SPMAP1: variants seen among roughly 807,000 people sequenced by gnomAD.
SPMAP1 encodes uncharacterized protein C17orf98.
chr17:38,840,962 C>T, the SPMAP1 span, among the ~76,000 whole-genome samples: 1 of 151,738 alleles, frequency 6.6e-6, no homozygotes, highest in African/African-American at 2.4e-5. Flanking sequence ...CGCTTGAACC[C>T]GGGAGGCGGA....
At chr17:38,840,203 C>T in the SPMAP1 span, among the ~76,000 whole-genome samples, 2 of 152,194 alleles carry the variant, frequency 1.3e-5, no homozygotes, top group Admixed American at 1.3e-4. Context: ...AAGCCCCATG[C>T]CCTGCCACTA....
the SPMAP1 span, chr17:38,841,337 T>C: frequency 6.2e-7 from 1 of 1,614,042 alleles, no homozygotes; most frequent in Non-Finnish European, 8.5e-7. Flanking sequence ...AGCCACCCCG[T>C]CCAAGATAAA....
At chr17:38,837,258 A>G in the SPMAP1 span, 7 of 1,561,906 alleles carry the variant, frequency 4.5e-6, no homozygotes, top group East Asian at 1.6e-4. Flanking sequence ...TGGGCAAGAG[A>G]AAGTGGGCAA....
the SPMAP1 span, among the ~76,000 whole-genome samples, chr17:38,836,162 C>T: frequency 6.6e-6 from 1 of 152,108 alleles, no homozygotes; most frequent in Non-Finnish European, 1.5e-5. Context: ...GACCCGCCTG[C>T]CTCGGCCTCC....
chr17:38,836,585 C>CTTTTTTT, the SPMAP1 span, among the ~76,000 whole-genome samples: 8 of 58,418 alleles, frequency 1.4e-4, no homozygotes, highest in African/African-American at 3.9e-4. Context: ...TTCTTTCTTT[C>CTTTTTTT]TTTTTTTTTT....
the SPMAP1 span, chr17:38,841,253 T>G: frequency 6.2e-7 from 1 of 1,614,180 alleles, no homozygotes; most frequent in East Asian, 2.2e-5. Context: ...GTAGTCCTGC[T>G]GCGCGTTGTA....
chr17:38,838,175 G>C, the SPMAP1 span, among the ~76,000 whole-genome samples: 2 of 152,032 alleles, frequency 1.3e-5, no homozygotes, highest in Non-Finnish European at 2.9e-5. Flanking sequence ...GAGCCACTGT[G>C]CCTGGCTTGC....
the SPMAP1 span, among the ~76,000 whole-genome samples, chr17:38,835,537 G>C: frequency 6.6e-6 from 1 of 152,204 alleles, no homozygotes; most frequent in Non-Finnish European, 1.5e-5. Flanking sequence ...GGGGCAGAAG[G>C]CTTCCTAGAA....
chr17:38,838,955 G>A, the SPMAP1 span, among the ~76,000 whole-genome samples: 5 of 151,232 alleles, frequency 3.3e-5, no homozygotes, highest in East Asian at 3.9e-4. Context: ...GTGTGGTGGC[G>A]GGCGCTTGTA....
the SPMAP1 span, chr17:38,837,084 C>A: frequency 1.3e-5 from 16 of 1,223,850 alleles, no homozygotes; most frequent in East Asian, 3.7e-4. Context: ...TCCCCTCAAC[C>A]AGGCCTTGCT....
the SPMAP1 span, among the ~76,000 whole-genome samples, chr17:38,836,154 C>A: frequency 6.6e-6 from 1 of 151,950 alleles, no homozygotes; most frequent in East Asian, 1.9e-4. Flanking sequence ...GACCTCGTGA[C>A]CCGCCTGCCT....
chr17:38,839,547 G>C, the SPMAP1 span, among the ~76,000 whole-genome samples: 1 of 151,438 alleles, frequency 6.6e-6, no homozygotes, highest in African/African-American at 2.4e-5. Context: ...CAGCACTTTT[G>C]GAGGCCGAGG....
chr17:38,841,335 C>A, the SPMAP1 span: 3 of 1,614,170 alleles, frequency 1.9e-6, no homozygotes, highest in Non-Finnish European at 1.7e-6. Flanking sequence ...ACAGCCACCC[C>A]GTCCAAGATA....
At chr17:38,837,689 A>G in the SPMAP1 span, among the ~76,000 whole-genome samples, 15 of 151,806 alleles carry the variant, frequency 9.9e-5, no homozygotes, top group Admixed American at 7.2e-4. Flanking sequence ...AAAAAAAAAA[A>G]AAAGAAAAAA....
chr17:38,839,985 G>A, the SPMAP1 span, among the ~76,000 whole-genome samples: 3 of 152,192 alleles, frequency 2.0e-5, no homozygotes, highest in East Asian at 1.9e-4. Flanking sequence ...CCGCTTATAC[G>A]TAGAAACACA....
At chr17:38,835,649 C>T in the SPMAP1 span, among the ~76,000 whole-genome samples, 2 of 152,168 alleles carry the variant, frequency 1.3e-5, no homozygotes, top group Non-Finnish European at 2.9e-5. Context: ...TGCCTTTCTC[C>T]CACAAGAAAT....
the SPMAP1 span, among the ~76,000 whole-genome samples, chr17:38,837,731 C>T: frequency 2.0e-5 from 3 of 151,854 alleles, no homozygotes; most frequent in African/African-American, 7.3e-5. Context: ...TATTGCCTCT[C>T]CGGGAGGGGC....
chr17:38,840,652 AAAAATT>A, the SPMAP1 span, among the ~76,000 whole-genome samples: 2 of 140,870 alleles, frequency 1.4e-5, no homozygotes, highest in Non-Finnish European at 3.1e-5. Context: ...AAAAAAAAAA[AAAAATT>A]AGCCCGGCGT....
the SPMAP1 span, among the ~76,000 whole-genome samples, chr17:38,836,918 C>T: frequency 6.6e-6 from 1 of 150,966 alleles, no homozygotes; most frequent in African/African-American, 2.4e-5. Flanking sequence ...TCATGCATTC[C>T]AGTTTGGGTG....
Sources: allele counts gnomAD v4.1 joint callset (sites outside exome capture counted in the v4.1 genomes callset), GRCh38; gene constraint gnomAD v4.1.1; transcripts MANE v1.5; gene names NCBI Gene and HGNC (gene_info 2026-07-23, HGNC 2026-07-21).